MYO16: variants seen among roughly 807,000 people sequenced by gnomAD.
MYO16 encodes unconventional myosin-XVI.
A neutral mutation model predicts 205.3 loss-of-function variants in MYO16; 94 were observed. That is an observed-to-expected ratio of 0.46 (90% CI 0.39 to 0.54). The LOEUF (loss-of-function observed/expected upper bound fraction) is 0.54. MYO16 is among the 20% of genes least tolerant of loss of function. MYO16 has a pLI of 0.00. For synonymous variants in MYO16, 988 were observed against 954.0 expected, an observed-to-expected ratio of 1.04 and a Z score of -0.66; for missense variants, 2,315 against 2,387.5, an observed-to-expected ratio of 0.97 and a Z score of 0.63.
the MYO16 span, among the ~76,000 whole-genome samples, chr13:108,504,205 T>C: frequency 6.6e-6 from 1 of 152,164 alleles, no homozygotes; most frequent in Admixed American, 6.5e-5. Context: ...CACTGCAACC[T>C]TCGCCTCCGG....
Position 108,636,577 on chromosome 13 carries a change from AC to A in MYO16, c.28+6707del, listed in dbSNP as rs1196257259. On this transcript the variant is annotated intron_variant, in intron 1 of 34. Transcript: ENST00000457511. ...GTATTTTTAGTAGAGACAGGGTTTC[AC>A]CATATTGGCCAGGATGGTCTCGATC... Among the ~76,000 whole-genome samples the A allele has an allele frequency of 3.6e-4, 55 of 151,954 alleles. 2 individuals are homozygous for A. Among genetic ancestry groups the A allele is most frequent in the Admixed American group, 3.6e-3 (55 of 15,244 alleles).
chr13:108,870,423 C>T (rs1878993724), intron 12 of MYO16, among the ~76,000 whole-genome samples: 1 of 151,922 alleles, frequency 6.6e-6, no homozygotes, highest in Non-Finnish European at 1.5e-5. Flanking sequence ...AAGGTGTACT[C>T]TGTTTTCTAG....
intron 22 of MYO16, 98 bp downstream of exon 22, chr13:109,009,147 T>A: frequency 3.1e-6 from 3 of 958,630 alleles, no homozygotes; most frequent in Non-Finnish European, 4.5e-6. Flanking sequence ...TTTTGAGATA[T>A]CTTTATATGT....
intron 12 of MYO16, among the ~76,000 whole-genome samples, chr13:108,875,773 T>C (rs196149): frequency 0.15 from 22,731 of 151,488 alleles, 1,792 homozygotes; most frequent in East Asian, 0.3. Flanking sequence ...ACTTGGGAGG[T>C]TAAGGCAGGA....
intron 4 of MYO16, among the ~76,000 whole-genome samples, chr13:108,755,823 T>A (rs9587670): frequency 5.9e-5 from 9 of 152,042 alleles, no homozygotes; most frequent in Non-Finnish European, 1.2e-4. Context: ...CAGTGAACTC[T>A]AGATGTTCTT....
At chr13:108,720,806 G>A (rs748555774) in intron 3 of MYO16, among the ~76,000 whole-genome samples, 1 of 152,106 alleles carries the variant, frequency 6.6e-6, no homozygotes, top group Admixed American at 6.5e-5. Flanking sequence ...TTTAAAAATT[G>A]GTGAAAGATA....
chr13:109,136,081 C>CCTTCCTTCCTTCCTTCCTTTTTTT, intron 31 of MYO16, among the ~76,000 whole-genome samples: 1 of 150,494 alleles, frequency 6.6e-6, no homozygotes, highest in Non-Finnish European at 1.5e-5. Context: ...TTCCTTCTTT[C>CCTTCCTTCCTTCCTTCCTTTTTTT]CTTCCTTCCT....
At chr13:108,669,486 C>A (rs971039072) in intron 2 of MYO16, among the ~76,000 whole-genome samples, 1 of 151,556 alleles carries the variant, frequency 6.6e-6, no homozygotes, top group Admixed American at 6.6e-5. Context: ...AGGGAACAGA[C>A]GTTAAGAGCT....
In MYO16 at chr13:109,125,191, C is replaced by T; in HGVS notation, c.3615C>T (p.Ser1205=). Residue 1205 remains serine, a synonymous_variant, in exon 30 of 35, where the codon AGC becomes AGT. Coordinates refer to ENST00000457511, the MANE Select transcript of MYO16 (RefSeq NM_001198950.3). The surrounding 1 kb of genome is among the most constrained non-coding windows in gnomAD (Gnocchi z 4.0). ...IRQQEVTSIN[S]FLQNTEDMGL... is the part of the protein sequence containing the mutation. ...AACAAGAGGTGACTTCTATCAATAG[C>T]TTTCTGCAGAACACAGAGGACATGG... 1 of 1,614,142 alleles carries T rather than the reference C, an allele frequency of 6.2e-7. No individual in the cohort carries two copies. Among genetic ancestry groups the T allele is most frequent in the Non-Finnish European group, 8.5e-7 (1 of 1,180,018 alleles).
intron 13 of MYO16, among the ~76,000 whole-genome samples, chr13:108,885,149 C>T (rs1176449328): frequency 2.0e-5 from 3 of 152,086 alleles, no homozygotes; most frequent in Non-Finnish European, 4.4e-5. Context: ...TACGGAGTTT[C>T]GTTCTTGTTG....
At chr13:108,884,090 C>T (rs927605770) in intron 13 of MYO16, among the ~76,000 whole-genome samples, 7 of 152,158 alleles carry the variant, frequency 4.6e-5, no homozygotes, top group South Asian at 2.1e-4. Context: ...CTCACGGTAG[C>T]GCCTTAGTTG....
chr13:109,131,501 CA>C (rs1289378935), intron 31 of MYO16, among the ~76,000 whole-genome samples: 1 of 152,158 alleles, frequency 6.6e-6, no homozygotes, highest in Non-Finnish European at 1.5e-5. Context: ...CACTTCTTTG[CA>C]AACTACCAGC....
chr13:108,640,296 C>A (rs1222316251), intron 1 of MYO16, among the ~76,000 whole-genome samples: 1 of 152,098 alleles, frequency 6.6e-6, no homozygotes, highest in East Asian at 1.9e-4. Flanking sequence ...ACAGTGCAGG[C>A]AGGACCAGCA....
At chr13:108,660,851 T>C (rs1881471279) in intron 1 of MYO16, among the ~76,000 whole-genome samples, 1 of 152,224 alleles carries the variant, frequency 6.6e-6, no homozygotes, top group African/African-American at 2.4e-5. Flanking sequence ...TTTTGTTTTT[T>C]GTTTTTGCTT....
At chr13:109,106,878 C>T (rs565746706) in intron 28 of MYO16, among the ~76,000 whole-genome samples, 1 of 152,202 alleles carries the variant, frequency 6.6e-6, no homozygotes, top group Admixed American at 6.5e-5. Flanking sequence ...GCCTGTGTGT[C>T]CCGTTTGAGG....
chr13:108,786,227 G>A (rs1051271261), intron 5 of MYO16, among the ~76,000 whole-genome samples: 3 of 152,200 alleles, frequency 2.0e-5, no homozygotes, highest in African/African-American at 4.8e-5. Flanking sequence ...GAACACAAAG[G>A]TCATCAGAAG....
chr13:109,090,101 T>C lies in MYO16; in HGVS notation c.3336-10684T>C, dbSNP rs549067675. 1.2e-4 allele frequency among the ~76,000 whole-genome samples: 19 copies of C among 152,322 alleles called. No homozygotes were observed. The South Asian group carries it at 3.7e-3, about 30-fold the overall frequency. ...CCTAAAAGACGATAGCAGCCTGTTC[T>C]CCTTAGTTTGGAAGTAGAAGGGAAA... is the stretch of plus-strand genomic sequence containing the variant. On this transcript the variant is annotated intron_variant, in intron 27 of 34. Coordinates refer to ENST00000457511, the MANE Select transcript of MYO16 (RefSeq NM_001198950.3).
At chr13:108,714,149 T>G (rs1270577631) in intron 3 of MYO16, among the ~76,000 whole-genome samples, 4 of 152,098 alleles carry the variant, frequency 2.6e-5, no homozygotes, top group Non-Finnish European at 4.4e-5. Context: ...CTCCGTCTCC[T>G]GGTTCACGCC....
the MYO16 span, among the ~76,000 whole-genome samples, chr13:108,544,785 C>T: frequency 6.6e-6 from 1 of 152,134 alleles, no homozygotes; most frequent in East Asian, 1.9e-4. Flanking sequence ...TCTTTCTGCT[C>T]TCTATCTCCA....
Sources: allele counts gnomAD v4.1 joint callset (sites outside exome capture counted in the v4.1 genomes callset), GRCh38; gene constraint gnomAD v4.1.1; non-coding constraint Gnocchi (gnomAD v3.1); transcripts MANE v1.5; gene names NCBI Gene and HGNC (gene_info 2026-07-23, HGNC 2026-07-21).